The following DRC8 variants were observed in gnomAD, a reference collection of about 807,000 sequenced individuals.
DRC8 encodes the protein dynein regulatory complex subunit 8.
chr1:244,970,818 C>A, the DRC8 span: 2 of 337,706 alleles, frequency 5.9e-6, no homozygotes, highest in Admixed American at 5.4e-5. Flanking sequence ...TTGCATCCTG[C>A]GCGGGCTGCG....
At chr1:245,119,360 T>A in the DRC8 span, among the ~76,000 whole-genome samples, 5 of 140,158 alleles carry the variant, frequency 3.6e-5, no homozygotes, top group Admixed American at 3.6e-4. Context: ...TTTTTTTTCA[T>A]ACTAAAAGTA....
the DRC8 span, chr1:245,087,534 T>C: frequency 3.1e-6 from 4 of 1,282,588 alleles, no homozygotes; most frequent in Non-Finnish European, 3.9e-6. Context: ...AAATTTAGTA[T>C]GTCTAGCCTT....
the DRC8 span, among the ~76,000 whole-genome samples, chr1:245,078,952 A>G: frequency 6.6e-6 from 1 of 152,322 alleles, no homozygotes; most frequent in South Asian, 2.1e-4. Flanking sequence ...TTTGTCCATC[A>G]TACCTCAGTA....
chr1:244,990,828 A>G, the DRC8 span, among the ~76,000 whole-genome samples: 1 of 147,486 alleles, frequency 6.8e-6, no homozygotes, highest in African/African-American at 2.5e-5. Context: ...TTTTTTTTGT[A>G]CTTCTACTAC....
At chr1:245,091,428 A>C in the DRC8 span, 2 of 152,390 alleles carry the variant, frequency 1.3e-5, no homozygotes, top group South Asian at 4.1e-4. Flanking sequence ...AAAGAAGTAC[A>C]GTCTGGTGAA....
chr1:245,121,860 T>A, the DRC8 span: 1 of 421,954 alleles, frequency 2.4e-6, no homozygotes. Flanking sequence ...TTCATCTACT[T>A]TTTTGCTTTC....
the DRC8 span, among the ~76,000 whole-genome samples, chr1:245,097,829 C>T: frequency 6.6e-6 from 1 of 152,050 alleles, no homozygotes; most frequent in African/African-American, 2.4e-5. This position sits in a 1 kb window ranked among gnomAD's most constrained non-coding sequence, Gnocchi z 5.0. Flanking sequence ...ACATCAAGCA[C>T]CACGTGTTTG....
At chr1:245,095,827 G>A in the DRC8 span, among the ~76,000 whole-genome samples, 1 of 152,110 alleles carries the variant, frequency 6.6e-6, no homozygotes, top group Non-Finnish European at 1.5e-5. Flanking sequence ...AGAACTGTTG[G>A]GTCACCTTTA....
the DRC8 span, among the ~76,000 whole-genome samples, chr1:245,036,521 C>T: frequency 6.6e-6 from 1 of 152,072 alleles, no homozygotes; most frequent in Non-Finnish European, 1.5e-5. Flanking sequence ...AAAAATATGT[C>T]CATACAAAAA....
chr1:245,067,843 G>T, the DRC8 span, among the ~76,000 whole-genome samples: 7 of 152,192 alleles, frequency 4.6e-5, no homozygotes, highest in Non-Finnish European at 5.9e-5. Flanking sequence ...TTATTTTGAA[G>T]TAGTTGGTGA....
chr1:245,017,601 A>C, the DRC8 span, among the ~76,000 whole-genome samples: 4 of 152,312 alleles, frequency 2.6e-5, no homozygotes, highest in Non-Finnish European at 4.4e-5. Context: ...ACTCTATTTT[A>C]GCTTTAGTGC....
the DRC8 span, among the ~76,000 whole-genome samples, chr1:245,012,663 G>A: frequency 6.6e-6 from 1 of 151,798 alleles, no homozygotes; most frequent in Non-Finnish European, 1.5e-5. Context: ...CTTACATGAC[G>A]AACCTCAAAA....
chr1:244,985,076 G>GTTTTTTTTTT, the DRC8 span, among the ~76,000 whole-genome samples: 68 of 130,806 alleles, frequency 5.2e-4, 1 homozygote, highest in South Asian at 1.6e-3. Context: ...TGTCTCCAGG[G>GTTTTTTTTTT]TTTTTTTTTT....
the DRC8 span, among the ~76,000 whole-genome samples, chr1:245,008,113 C>G: frequency 2.0e-5 from 3 of 152,174 alleles, no homozygotes; most frequent in Admixed American, 6.5e-5. Flanking sequence ...GAGTTTGATG[C>G]TACAGTGAGC....
chr1:245,072,628 A>G, the DRC8 span, among the ~76,000 whole-genome samples: 1 of 152,226 alleles, frequency 6.6e-6, no homozygotes, highest in Non-Finnish European at 1.5e-5. Context: ...CATTGAATGT[A>G]CAACACCAAA....
chr1:245,066,492 A>T, the DRC8 span, among the ~76,000 whole-genome samples: 1 of 152,224 alleles, frequency 6.6e-6, no homozygotes, highest in African/African-American at 2.4e-5. Context: ...TATAAAGTGA[A>T]TGCATAACTT....
chr1:244,975,065 G>A, the DRC8 span, among the ~76,000 whole-genome samples: 1 of 152,102 alleles, frequency 6.6e-6, no homozygotes, highest in Admixed American at 6.6e-5. Flanking sequence ...CGAGTAGCTG[G>A]GACTACAGGT....
At chr1:245,043,656 C>T in the DRC8 span, among the ~76,000 whole-genome samples, 5 of 152,014 alleles carry the variant, frequency 3.3e-5, no homozygotes, top group African/African-American at 1.2e-4. Context: ...GTTTTGTGTA[C>T]ATGGTAGAAT....
chr1:245,092,997 T>C, the DRC8 span, among the ~76,000 whole-genome samples: 32 of 152,250 alleles, frequency 2.1e-4, no homozygotes, highest in African/African-American at 7.2e-4. Flanking sequence ...AGTGAAAATG[T>C]TTAAAAAGCT....
Sources: gnomAD v4.1 joint callset for allele counts (sites outside exome capture counted in the v4.1 genomes callset) on GRCh38, gnomAD v4.1.1 for gene constraint, Gnocchi (gnomAD v3.1) non-coding constraint, MANE v1.5 for transcripts, NCBI Gene and HGNC (gene_info 2026-07-23, HGNC 2026-07-21) for gene names.